PTPRG: variants seen among roughly 807,000 people sequenced by gnomAD.
PTPRG encodes the protein protein tyrosine phosphatase receptor type G.
In PTPRG, 102 loss-of-function variants were observed where a neutral mutation model predicts 165.3. That is an observed-to-expected ratio of 0.62 (90% CI 0.53 to 0.73). The LOEUF (loss-of-function observed/expected upper bound fraction) is 0.73, where lower values mean the gene tolerates loss of function less well. PTPRG is among the 30% of genes least tolerant of loss of function. The pLI is 0.00. For synonymous variants in PTPRG, 675 were observed against 669.5 expected, an observed-to-expected ratio of 1.01 and a Z score of -0.13; for missense variants, 1,866 against 1,861.4, an observed-to-expected ratio of 1.00 and a Z score of -0.05.
At chr3:62,084,496 C>T (rs1203850545) in intron 5 of PTPRG, among the ~76,000 whole-genome samples, 1 of 150,802 alleles carries the variant, frequency 6.6e-6, no homozygotes, top group African/African-American at 2.5e-5. Context: ...AACTTCAGAA[C>T]TCAAATGCTT....
chr3:61,797,449 G>A (rs1381501957), intron 2 of PTPRG, among the ~76,000 whole-genome samples: 3 of 152,004 alleles, frequency 2.0e-5, no homozygotes, highest in Non-Finnish European at 4.4e-5. Flanking sequence ...ACCTTTTTCC[G>A]TAATAACTAA....
intron 2 of PTPRG, among the ~76,000 whole-genome samples, chr3:61,835,432 C>T (rs551701102): frequency 1.3e-5 from 2 of 152,090 alleles, no homozygotes; most frequent in Non-Finnish European, 2.9e-5. Flanking sequence ...CTCCTGGATT[C>T]AAGCGATTCT....
At chr3:61,732,432 C>G (rs2032538828) in intron 1 of PTPRG, among the ~76,000 whole-genome samples, 1 of 152,070 alleles carries the variant, frequency 6.6e-6, no homozygotes, top group Non-Finnish European at 1.5e-5. Context: ...AAAAAATTAG[C>G]TGGGCATGGT....
At chr3:61,822,113 TG>T (rs1442553813) in intron 2 of PTPRG, among the ~76,000 whole-genome samples, 2 of 152,256 alleles carry the variant, frequency 1.3e-5, no homozygotes, top group Admixed American at 6.5e-5. Context: ...TTTTCTGACC[TG>T]GAAGTATTAT....
At chr3:61,621,823 C>A (rs568954827) in intron 1 of PTPRG, among the ~76,000 whole-genome samples, 2 of 152,286 alleles carry the variant, frequency 1.3e-5, no homozygotes, top group East Asian at 3.9e-4. Context: ...TCCTCTGATT[C>A]TCTGTTTTCT....
chr3:61,906,468 A>T (rs981733964), intron 2 of PTPRG, among the ~76,000 whole-genome samples: 223 of 151,808 alleles, frequency 1.5e-3, no homozygotes, highest in African/African-American at 5.1e-3. Flanking sequence ...AAAAAAAGGA[A>T]AAAAAAACAT....
chr3:61,772,457 A>G (rs1349784959), intron 2 of PTPRG, among the ~76,000 whole-genome samples: 1 of 152,064 alleles, frequency 6.6e-6, no homozygotes, highest in Non-Finnish European at 1.5e-5. Context: ...AAATATTAAT[A>G]TTGATTTTCT....
intron 1 of PTPRG, among the ~76,000 whole-genome samples, chr3:61,734,441 T>C (rs1030424467): frequency 1.3e-5 from 2 of 152,182 alleles, no homozygotes; most frequent in African/African-American, 4.8e-5. Flanking sequence ...GCAGAGGTGA[T>C]ATTTAAGAAC....
rs763209275 is a variant in PTPRG at position 62,231,334 on chromosome 3, TG to T, written c.2375+29del. On this transcript the variant is annotated intron_variant, in intron 14 of 29. Coordinates refer to ENST00000474889, the MANE Select transcript of PTPRG (RefSeq NM_002841.4). ...CAGGTGAGGGGCGGTCAAGCTTAAG[TG>T]GGGGGCGTCTTGATGGCCGGGACTG... The T allele has an allele frequency of 7.2e-6, 11 of 1,532,072 alleles. No individual in the cohort carries two copies. In the South Asian group the frequency reaches 1.0e-4, roughly 14 times the overall value. 94.9% of individuals were successfully genotyped at this position (1,532,072 alleles called of 1,614,324 possible).
intron 13 of PTPRG, 144 bp from the exon 14 acceptor site, chr3:62,231,081 T>G (rs190922757): frequency 2.8e-4 from 147 of 529,898 alleles, no homozygotes; most frequent in African/African-American, 2.8e-3. Context: ...ATAAGCATCC[T>G]CTTTTGAAAA....
chr3:61,684,438 T>C (rs1375199869), intron 1 of PTPRG, among the ~76,000 whole-genome samples: 4 of 152,216 alleles, frequency 2.6e-5, no homozygotes, highest in Non-Finnish European at 5.9e-5. Flanking sequence ...TTTAAAAATA[T>C]AGTCATTTCT....
In PTPRG at chr3:62,167,919, G is replaced by T. The variant is rs1198365194; in HGVS notation, c.841-52G>T. 4 of 1,517,126 alleles carry T rather than the reference G, an allele frequency of 2.6e-6. No individual in the cohort carries two copies. The African/African-American group carries it at 4.4e-5, about 17-fold the overall frequency. The allele number at this position is 1,517,126 out of a possible 1,614,324, so 94.0% of individuals were successfully genotyped here. ...CAAATAGCTTTTCTAATTGATGTGT[G>T]TTTTTTGTGTTGTTTTTTTTTTCCC... On this transcript the variant is annotated intron_variant, in intron 7 of 29. Coordinates refer to ENST00000474889, the MANE Select transcript of PTPRG (RefSeq NM_002841.4).
intron 2 of PTPRG, chr3:61,925,876 T>C: frequency 2.0e-6 from 1 of 495,912 alleles, no homozygotes; most frequent in Non-Finnish European, 4.0e-6. Context: ...ATGAATACAT[T>C]ACTGTTCCAA....
chr3:62,138,420 G>C (rs1485545439), intron 6 of PTPRG, among the ~76,000 whole-genome samples: 1 of 152,140 alleles, frequency 6.6e-6, no homozygotes, highest in Admixed American at 6.5e-5. Flanking sequence ...ACTGGTCCAT[G>C]TTAAGAAATG....
chr3:61,945,084 A>G (rs1289734802), intron 2 of PTPRG, among the ~76,000 whole-genome samples: 5 of 152,218 alleles, frequency 3.3e-5, no homozygotes. Flanking sequence ...ATGTGCCAGC[A>G]GTGGACAGAA....
chr3:61,943,671 G>C (rs1470078915), intron 2 of PTPRG, among the ~76,000 whole-genome samples: 1 of 152,206 alleles, frequency 6.6e-6, no homozygotes, highest in Admixed American at 6.5e-5. Flanking sequence ...ATACAGGGGA[G>C]CTTTTATCAT....
At chr3:62,103,180 G>T (rs993418147) in intron 5 of PTPRG, among the ~76,000 whole-genome samples, 1 of 149,776 alleles carries the variant, frequency 6.7e-6, no homozygotes, top group African/African-American at 2.5e-5. Flanking sequence ...CCAGCTATTG[G>T]AACATTCAAC....
chr3:61,636,425 C>CT (rs1701910297), intron 1 of PTPRG, among the ~76,000 whole-genome samples: 1 of 152,194 alleles, frequency 6.6e-6, no homozygotes. Flanking sequence ...CCTTTTGTGT[C>CT]TGACTTCTTT....
intron 2 of PTPRG, among the ~76,000 whole-genome samples, chr3:61,985,923 C>T (rs2040748797): frequency 1.3e-5 from 2 of 152,168 alleles, no homozygotes; most frequent in South Asian, 2.1e-4. Flanking sequence ...GCTTATTTTA[C>T]CTTGTCACAG....
Sources: allele counts gnomAD v4.1 joint callset (sites outside exome capture counted in the v4.1 genomes callset), GRCh38; gene constraint gnomAD v4.1.1; transcripts MANE v1.5; gene names NCBI Gene and HGNC (gene_info 2026-07-23, HGNC 2026-07-21).